The following CAPS2 variants were observed in gnomAD, a reference collection of about 807,000 sequenced individuals.
CAPS2 encodes calcyphosin-2.
Under a neutral mutation model 86.5 loss-of-function variants are expected in CAPS2, and 98 were observed. That is an observed-to-expected ratio of 1.13 (90% confidence interval 0.96 to 1.34). The LOEUF is 1.34. CAPS2 is among the 40% of genes most tolerant of loss of function. CAPS2 has a pLI of 0.00. For missense variants in CAPS2, 729 were observed against 686.8 expected (o/e 1.06, Z -0.69); for synonymous variants, 210 against 225.1 (o/e 0.93, Z 0.60).
At chr12:75,290,914 G>A (rs1255025961) in intron 13 of CAPS2, among the ~76,000 whole-genome samples, 1 of 112,100 alleles carries the variant, frequency 8.9e-6, no homozygotes, top group African/African-American at 3.2e-5. Flanking sequence ...ATGGAGCAAG[G>A]CTCTCTCTCA....
Position 75,300,555 on chromosome 12 carries a change from CAAAAAAA to C in CAPS2, c.780-651_780-645del, listed in dbSNP as rs60853698. On this transcript the variant is annotated intron_variant, in intron 8 of 16. Coordinates refer to ENST00000393284, the Ensembl canonical transcript of CAPS2. ...TGGGCGACAGAGCCAGACTCCGTCT[CAAAAAAA>C]AAAAAAAAAAAAAAAAAAAAAAGAA... 6.0e-5 allele frequency among the ~76,000 whole-genome samples: 5 copies of C among 83,020 alleles called. 1 individual carries two copies. In the South Asian group the frequency reaches 1.1e-3, roughly 18 times the overall value. 54.5% of individuals were successfully genotyped at this position (83,020 alleles called of 152,430 possible).
At chr12:75,317,563 T>A (rs1038497754) in intron 5 of CAPS2, among the ~76,000 whole-genome samples, 8 of 152,198 alleles carry the variant, frequency 5.3e-5, no homozygotes, top group African/African-American at 1.9e-4. Flanking sequence ...TTCCACTTAA[T>A]ATTTCAAATT....
At chr12:75,390,478 G>T (rs1046338313) in intron 1 of CAPS2, 5 of 419,480 alleles carry the variant, frequency 1.2e-5, no homozygotes, top group Non-Finnish European at 1.9e-5. Context: ...TCCCACAAAG[G>T]TTCATTTAAA....
intron 7 of CAPS2, chr12:75,305,558 TG>T: frequency 1.6e-6 from 1 of 630,128 alleles, no homozygotes. Flanking sequence ...TCCGCGACCC[TG>T]GCAGAGCCGC....
chr12:75,334,721 A>G (rs753317971), upstream of CAPS2: 1 of 1,611,526 alleles, frequency 6.2e-7, no homozygotes, highest in South Asian at 1.1e-5. Context: ...CATCCTCCAC[A>G]TCCTTCCATG....
intron 16 of CAPS2, among the ~76,000 whole-genome samples, chr12:75,280,602 A>G (rs1380414927): frequency 1.3e-5 from 2 of 151,936 alleles, no homozygotes; most frequent in Non-Finnish European, 2.9e-5. Flanking sequence ...TCGTTCTTAT[A>G]TTTAGTATGA....
chr12:75,317,439 C>T (rs975564010), intron 5 of CAPS2, among the ~76,000 whole-genome samples: 3 of 152,112 alleles, frequency 2.0e-5, no homozygotes, highest in South Asian at 2.1e-4. Flanking sequence ...TAATTTAATG[C>T]ATATATTTAA....
chr12:75,344,399 G>A (rs554422362), intron 1 of CAPS2, among the ~76,000 whole-genome samples: 1 of 152,030 alleles, frequency 6.6e-6, no homozygotes, highest in South Asian at 2.1e-4. Flanking sequence ...CTTCTGTAAT[G>A]TTTAGTCTCC....
intron 1 of CAPS2, among the ~76,000 whole-genome samples, chr12:75,352,270 A>T (rs575982178): frequency 6.6e-6 from 1 of 152,368 alleles, no homozygotes; most frequent in South Asian, 2.1e-4. Context: ...CCCATCTCAC[A>T]TGCAAAGACA....
intron 1 of CAPS2, among the ~76,000 whole-genome samples, chr12:75,383,527 A>G (rs1555228290): frequency 6.6e-6 from 1 of 152,192 alleles, no homozygotes; most frequent in Non-Finnish European, 1.5e-5. Flanking sequence ...AGAGTGTAGA[A>G]ATATATGAGA....
chr12:75,276,621 T>C (rs2032981603), downstream of CAPS2: 5 of 875,094 alleles, frequency 5.7e-6, no homozygotes, highest in African/African-American at 1.8e-5. Context: ...TTAAAATTCC[T>C]ATATAATATA....
At position 75,279,111 on chromosome 12, in the gene CAPS2, T is replaced by C. The variant is rs1246119378; in HGVS notation, c.1613-46A>G. On this transcript the variant is annotated intron_variant, in intron 16 of 16. Coordinates refer to ENST00000393284, the Ensembl canonical transcript of CAPS2. ...TGAAACAGTTTCCTGAAAAGTTCAG[T>C]GAAATGACTGATGATGATAAAGGAA... 3 of 1,376,302 alleles carry C rather than the reference T, an allele frequency of 2.2e-6. No individual in the cohort carries two copies. In the Admixed American group the frequency reaches 8.1e-5, roughly 37 times the overall value. 85.3% of individuals were successfully genotyped at this position (1,376,302 alleles called of 1,614,324 possible). A position where few individuals can be genotyped will look rare whatever the true frequency, so the allele number is the denominator to read the frequency against.
At position 75,351,337 on chromosome 12, in the gene CAPS2, C is replaced by T. The variant is rs112978848; in HGVS notation, c.-394-28115G>A. 2.8e-3 allele frequency among the ~76,000 whole-genome samples: 424 copies of T among 152,076 alleles called. 2 individuals are homozygous for T. The highest frequency in any genetic ancestry group is 9.8e-3 in the African/African-American group (408 of 41,476). ...TTCAAATTCAGGAAATCCAGAGAAC[C>T]CCCGTAAGATACTCCATGAGAAGAT... is the stretch of plus-strand genomic sequence containing the variant. On this transcript the variant is annotated intron_variant, in intron 1 of 5. Transcript: ENST00000551829.
intron 1 of CAPS2, among the ~76,000 whole-genome samples, chr12:75,380,086 C>T (rs895608685): frequency 6.6e-6 from 1 of 151,440 alleles, no homozygotes; most frequent in Non-Finnish European, 1.5e-5. Flanking sequence ...AACAATTGAA[C>T]CTAAAAAGGA....
intron 1 of CAPS2, among the ~76,000 whole-genome samples, chr12:75,344,214 C>A (rs1040253300): frequency 1.3e-5 from 2 of 152,002 alleles, no homozygotes; most frequent in African/African-American, 2.4e-5. Context: ...CTTTCTCTCA[C>A]TCTCTCTCTT....
chr12:75,291,718 C>T (rs1158767133), intron 13 of CAPS2, 26 bp downstream of exon 13: 2 of 1,298,948 alleles, frequency 1.5e-6, no homozygotes, highest in East Asian at 2.7e-5. Flanking sequence ...ATTCAAAGTA[C>T]TTGAGAGTAC....
At chr12:75,325,732 G>C (rs1009429120) in intron 1 of CAPS2, among the ~76,000 whole-genome samples, 21 of 151,936 alleles carry the variant, frequency 1.4e-4, no homozygotes, top group Non-Finnish European at 1.5e-5. Flanking sequence ...AATTGGTTCA[G>C]CTAGGAAACA....
At position 75,281,235 on chromosome 12, in the gene CAPS2, T is replaced by G. The variant is rs1475012202; in HGVS notation, c.1612+1016A>C. Among the ~76,000 whole-genome samples the G allele has an allele frequency of 2.9e-4, 44 of 151,902 alleles. 1 individual carries two copies. Among genetic ancestry groups the G allele is most frequent in the Admixed American group, 2.9e-3 (44 of 15,234 alleles). ...TGGAAGTATCACTTAAAATTTTAAATGCAGACATCCCAGTAATTCTAGGTA... is the reference window on the plus strand; with the variant it reads ...TGGAAGTATCACTTAAAATTTTAAAGGCAGACATCCCAGTAATTCTAGGTA... On this transcript the variant is annotated intron_variant, in intron 16 of 16. Transcript: ENST00000393284.
chr12:75,322,272 T>C (rs1458515208), intron 4 of CAPS2, among the ~76,000 whole-genome samples: 1 of 152,030 alleles, frequency 6.6e-6, no homozygotes, highest in Non-Finnish European at 1.5e-5. Flanking sequence ...TAAGAGTCAG[T>C]GGATAAGAGA....
Sources: gnomAD v4.1 joint callset for allele counts (sites outside exome capture counted in the v4.1 genomes callset) on GRCh38, gnomAD v4.1.1 for gene constraint, MANE v1.5 for transcripts, NCBI Gene and HGNC (gene_info 2026-07-23, HGNC 2026-07-21) for gene names.